Variants in TBC1D15 observed in about 807,000 individuals in gnomAD.
The protein encoded by TBC1D15 is GAP for RAB7.
TBC1D15 carries 39 observed loss-of-function variants against 95.4 expected under a neutral mutation model. The ratio of observed to expected loss-of-function variants is 0.41; its 90% confidence interval spans 0.32 to 0.53. The LOEUF (loss-of-function observed/expected upper bound fraction) is 0.53, where lower values mean the gene tolerates loss of function less well. Ranked by LOEUF, TBC1D15 falls within the 20% of genes least tolerant of loss-of-function variation. The probability of loss-of-function intolerance (pLI) is 0.29; values close to 1 mark genes in which losing one functional copy is unlikely to be tolerated. For synonymous variants in TBC1D15, 258 were observed against 261.3 expected (o/e 0.99, Z 0.12); for missense variants, 733 against 794.3 (o/e 0.92, Z 0.93).
At chr12:71,903,016 A>T (rs1592799255) in intron 10 of TBC1D15, among the ~76,000 whole-genome samples, 1 of 152,130 alleles carries the variant, frequency 6.6e-6, no homozygotes, top group South Asian at 2.1e-4. Context: ...GGGTTCAAGC[A>T]ATTCTCTGCG....
At chr12:71,849,378 G>T in intron 1 of TBC1D15, 1 of 1,391,676 alleles carries the variant, frequency 7.2e-7, no homozygotes, top group Non-Finnish European at 1.0e-6. Context: ...ATGAAAGCAG[G>T]CGCCTCCAGC....
intron 3 of TBC1D15, among the ~76,000 whole-genome samples, chr12:71,877,230 T>C (rs1481442971): frequency 6.7e-6 from 1 of 149,594 alleles, no homozygotes. Flanking sequence ...TTTTTAAACC[T>C]CTCTAGAAGC....
intron 6 of TBC1D15, chr12:71,894,295 C>G: frequency 1.2e-6 from 2 of 1,606,172 alleles, no homozygotes; most frequent in Non-Finnish European, 1.7e-6. Flanking sequence ...TGGTGGTACA[C>G]ACTTCAAGAA....
chr12:71,922,975 A>G lies in TBC1D15; in HGVS notation c.1804-8A>G, dbSNP rs373096472. 154 of 1,613,374 alleles carry G rather than the reference A, an allele frequency of 9.5e-5. 1 individual carries two copies. The South Asian group carries it at 1.4e-3, about 14-fold the overall frequency. ...AATATGGTTTTGAGTTTGATTTTTC[A>G]TATCCAGGAATTGCCACAAGCAGTC... On this transcript the variant is annotated splice_polypyrimidine_tract_variant and splice_region_variant and intron_variant, in intron 16 of 16. Coordinates refer to ENST00000485960, the MANE Select transcript of TBC1D15 (RefSeq NM_001146213.3).
At chr12:71,869,366 CAG>C in intron 1 of TBC1D15, among the ~76,000 whole-genome samples, 1 of 152,108 alleles carries the variant, frequency 6.6e-6, no homozygotes. Flanking sequence ...CTACTAAAAA[CAG>C]AAAAATTAGT....
At chr12:71,899,358 T>G (rs939599145) in intron 10 of TBC1D15, among the ~76,000 whole-genome samples, 1 of 152,222 alleles carries the variant, frequency 6.6e-6, no homozygotes, top group Non-Finnish European at 1.5e-5. Flanking sequence ...TCAGTTGTCT[T>G]AAGCCATCTA....
chr12:71,870,806 C>T (rs1264705808), intron 1 of TBC1D15, among the ~76,000 whole-genome samples: 1 of 152,076 alleles, frequency 6.6e-6, no homozygotes, highest in Admixed American at 6.6e-5. Flanking sequence ...GATTAAGTTA[C>T]AATATAAGGA....
At chr12:71,871,120 A>G (rs1237737260) in intron 1 of TBC1D15, among the ~76,000 whole-genome samples, 1 of 152,208 alleles carries the variant, frequency 6.6e-6, no homozygotes, top group Non-Finnish European at 1.5e-5. Context: ...TCAATTTATA[A>G]CATTATGTCT....
intron 1 of TBC1D15, among the ~76,000 whole-genome samples, chr12:71,847,411 A>G (rs1886571086): frequency 6.6e-6 from 1 of 151,866 alleles, no homozygotes; most frequent in Non-Finnish European, 1.5e-5. Context: ...AATAATATCC[A>G]TTGGGCCAGG....
At chr12:71,887,864 C>G (rs753704122) in intron 5 of TBC1D15, among the ~76,000 whole-genome samples, 11 of 152,168 alleles carry the variant, frequency 7.2e-5, no homozygotes, top group Non-Finnish European at 1.5e-4. Context: ...GCTACAGTTT[C>G]TGGTACATAA....
At chr12:71,856,708 A>C (rs1889165053) in intron 1 of TBC1D15, among the ~76,000 whole-genome samples, 1 of 152,092 alleles carries the variant, frequency 6.6e-6, no homozygotes, top group African/African-American at 2.4e-5. Context: ...CAGAGGACCT[A>C]CTCATGTTCA....
At chr12:71,861,361 TC>T in intron 1 of TBC1D15, 1 of 1,100,936 alleles carries the variant, frequency 9.1e-7, no homozygotes, top group East Asian at 3.1e-5. Context: ...GGGAGACTTT[TC>T]ATTACTGATT....
chr12:71,907,335 C>A, intron 11 of TBC1D15, 197 bp downstream of exon 11: 1 of 372,242 alleles, frequency 2.7e-6, no homozygotes, highest in Non-Finnish European at 4.8e-6. Context: ...CTAACAGGAG[C>A]ACCATGGGAT....
chr12:71,852,588 A>G (rs1565946060), intron 1 of TBC1D15, among the ~76,000 whole-genome samples: 1 of 152,220 alleles, frequency 6.6e-6, no homozygotes, highest in Non-Finnish European at 1.5e-5. Context: ...GCATATGAGC[A>G]TAGGTTGTTA....
chr12:71,893,902 T>C (rs1329239221), intron 6 of TBC1D15, among the ~76,000 whole-genome samples: 2 of 151,988 alleles, frequency 1.3e-5, no homozygotes, highest in Non-Finnish European at 2.9e-5. Flanking sequence ...GAGTGCTTGC[T>C]GTGTCCCAGC....
chr12:71,914,622 T>G (rs1328256626), intron 12 of TBC1D15, among the ~76,000 whole-genome samples: 1 of 151,924 alleles, frequency 6.6e-6, no homozygotes, highest in Non-Finnish European at 1.5e-5. Context: ...GCAGATGAAG[T>G]CCAAAGACCT....
intron 7 of TBC1D15, 151 bp downstream of exon 7, chr12:71,895,034 C>G: frequency 1.6e-6 from 1 of 641,052 alleles, no homozygotes; most frequent in Non-Finnish European, 2.6e-6. Flanking sequence ...GAGTGCTTGT[C>G]CTGCCACTAA....
intron 12 of TBC1D15, among the ~76,000 whole-genome samples, chr12:71,915,116 G>C (rs1903378617): frequency 6.6e-6 from 1 of 151,858 alleles, no homozygotes; most frequent in Non-Finnish European, 1.5e-5. Context: ...TAATGTCATA[G>C]TTTGTCTTCC....
intron 11 of TBC1D15, among the ~76,000 whole-genome samples, chr12:71,912,846 G>A (rs1052810047): frequency 1.3e-5 from 2 of 152,026 alleles, no homozygotes; most frequent in Admixed American, 1.3e-4. Context: ...GAATGATAAC[G>A]TTTAAGTAAA....
Sources: gnomAD v4.1 joint callset for allele counts (sites outside exome capture counted in the v4.1 genomes callset) on GRCh38, gnomAD v4.1.1 for gene constraint, MANE v1.5 for transcripts, NCBI Gene and HGNC (gene_info 2026-07-23, HGNC 2026-07-21) for gene names.